The following DNAH6 variants were observed in gnomAD, a reference collection of about 807,000 sequenced individuals.
DNAH6 encodes axonemal beta dynein heavy chain 6.
A neutral mutation model predicts 491.4 loss-of-function variants in DNAH6; 340 were observed. The observed-to-expected ratio is 0.69, with a 90% CI of 0.63 to 0.76. The LOEUF is 0.76. Ranked by LOEUF, DNAH6 falls within the 30% of genes least tolerant of loss-of-function variation. The pLI is 0.00. For synonymous variants in DNAH6, 1,603 were observed against 1,686.1 expected (o/e 0.95, Z 1.21); for missense variants, 4,443 against 4,972.2 (o/e 0.89, Z 3.20).
intron 10 of DNAH6, among the ~76,000 whole-genome samples, chr2:84,553,388 T>C (rs547951307): frequency 1.5e-5 from 2 of 137,532 alleles, no homozygotes; most frequent in South Asian, 4.9e-4. Context: ...TTTCTTTCTT[T>C]CTTTCTTTCT....
Position 84,607,025 on chromosome 2 carries a change from G to C in DNAH6, c.3224G>C (p.Arg1075Pro), listed in dbSNP as rs1048751166. 4 of 1,551,322 alleles carry C rather than the reference G, an allele frequency of 2.6e-6. No individual in the cohort carries two copies. Among genetic ancestry groups the C allele is most frequent in the Non-Finnish European group, 3.5e-6 (4 of 1,146,772 alleles). The part of the protein sequence containing the change: ...TINVATLASS[R>P]YLGPLKTRVD... ...AATGTTGCAACTCTTGCCTCATCAC[G>C]TTACCTTGGTCCACTGAAAACTCGA... The change falls in exon 21 of 77, where the codon CGT becomes CCT. Residue 1075 changes from arginine (R) to proline (P), a missense_variant. Transcript: ENST00000389394.
intron 37 of DNAH6, 85 bp from the exon 38 acceptor site, chr2:84,669,197 TGACTGCC>T: frequency 1.0e-6 from 1 of 1,001,966 alleles, no homozygotes; most frequent in Admixed American, 2.3e-5. Context: ...TTAGGTTTTT[TGACTGCC>T]TTTTTTTCTA....
rs1234226538 is a variant in DNAH6, at chr2:84,536,912, TC to T, written c.663-7318del. Among the ~76,000 whole-genome samples, 3 of 152,032 alleles carry T rather than the reference TC, an allele frequency of 2.0e-5. No individual in the cohort carries two copies. The East Asian group carries it at 5.8e-4, about 29-fold the overall frequency. Reference sequence around the variant, plus strand: ...ATATCCCTAATTTGGGATAATTATGTCCCAAATTAAAAATTATATAATCTCA... The same window carrying T: ...ATATCCCTAATTTGGGATAATTATGTCCAAATTAAAAATTATATAATCTCA... On this transcript the variant is annotated intron_variant, in intron 4 of 76. Transcript: ENST00000389394.
At chr2:84,818,735 A>G (rs539936265) in intron 76 of DNAH6, among the ~76,000 whole-genome samples, 1 of 152,306 alleles carries the variant, frequency 6.6e-6, no homozygotes, top group Admixed American at 6.5e-5. Context: ...TTTAAGAGAC[A>G]CATCACTGTT....
the DNAH6 span, among the ~76,000 whole-genome samples, chr2:84,506,916 A>G: frequency 6.6e-6 from 1 of 151,922 alleles, no homozygotes; most frequent in Non-Finnish European, 1.5e-5. Flanking sequence ...GTTCTGTTCC[A>G]TTGGTCTATA....
Position 84,780,095 on chromosome 2 carries a change from G to C in DNAH6, c.10704-1398G>C, listed in dbSNP as rs113693515. Among the ~76,000 whole-genome samples the C allele has an allele frequency of 3.1e-4, 47 of 152,106 alleles. 1 individual carries two copies. The highest frequency in any genetic ancestry group is 1.0e-3 in the African/African-American group (43 of 41,498). On this transcript the variant is annotated intron_variant, in intron 64 of 76. Coordinates refer to ENST00000389394, the MANE Select transcript of DNAH6 (RefSeq NM_001370.2). ...TTTTTTTTCACATTGATCATGGAAA[G>C]TTTGATGACTATGTGTCTTGGGGAT...
the DNAH6 span, among the ~76,000 whole-genome samples, chr2:84,506,063 G>A: frequency 2.0e-5 from 3 of 152,078 alleles, no homozygotes; most frequent in African/African-American, 7.2e-5. Flanking sequence ...TAATCCTTTG[G>A]GTATATACCC....
intron 57 of DNAH6, among the ~76,000 whole-genome samples, chr2:84,714,995 A>T (rs1478058208): frequency 1.3e-5 from 2 of 151,950 alleles, no homozygotes; most frequent in African/African-American, 2.4e-5. Context: ...AGAATATATT[A>T]TAGTAATAAT....
Position 84,694,230 on chromosome 2 carries a change from T to G in DNAH6, c.7293-19T>G, listed in dbSNP as rs1393230886. The G allele has an allele frequency of 6.5e-7, 1 of 1,547,936 alleles. No homozygotes were observed. The highest frequency in any genetic ancestry group is 8.7e-7 in the Non-Finnish European group (1 of 1,143,530). ...ATGTCTGTGAACTTGAAATAAACCC[T>G]CTGCTCTGATGTTTGCAGGATTGCT... On this transcript the variant is annotated intron_variant, in intron 45 of 76. Transcript: ENST00000389394.
chr2:84,771,746 A>G (rs542671120), intron 64 of DNAH6, among the ~76,000 whole-genome samples: 4 of 152,276 alleles, frequency 2.6e-5, no homozygotes, highest in Admixed American at 6.5e-5. Flanking sequence ...TTCAAAAATG[A>G]AGAAAAATTT....
rs1688697526 is a variant in DNAH6 at position 84,634,539 on chromosome 2, A to C, written c.4551A>C (p.Ser1517=). 6.5e-7 allele frequency: 1 copy of C among 1,548,926 alleles called. No homozygotes were observed. Among genetic ancestry groups the C allele is most frequent in the East Asian group, 2.5e-5 (1 of 40,734 alleles). ...GCTTCTTCAGTGGCTTGGCACAGTCAGGGGCCTGGTGCTGCTTTGATGAAT... is the reference window on the plus strand; with the variant it reads ...GCTTCTTCAGTGGCTTGGCACAGTCCGGGGCCTGGTGCTGCTTTGATGAAT... ...MGRFFSGLAQ[S]GAWCCFDEFN... is the part of the protein sequence containing the mutation. Residue 1517 remains serine, a synonymous_variant, in exon 30 of 77, where the codon TCA becomes TCC. Transcript: ENST00000389394.
At chr2:84,717,212 C>A (rs1697623427) in intron 58 of DNAH6, among the ~76,000 whole-genome samples, 1 of 152,120 alleles carries the variant, frequency 6.6e-6, no homozygotes, top group African/African-American at 2.4e-5. Flanking sequence ...TGATTCTTAA[C>A]TTGATTAATT....
intron 65 of DNAH6, among the ~76,000 whole-genome samples, chr2:84,783,537 T>C (rs1676898124): frequency 6.6e-6 from 1 of 152,232 alleles, no homozygotes; most frequent in Admixed American, 6.5e-5. Context: ...TTAGTATTGC[T>C]CTAGAATTTG....
chr2:84,617,548 C>A (rs907017656), intron 23 of DNAH6, among the ~76,000 whole-genome samples: 2 of 151,912 alleles, frequency 1.3e-5, no homozygotes, highest in Non-Finnish European at 2.9e-5. Flanking sequence ...CCCAACCCTT[C>A]CACTACCCTT....
chr2:84,784,719 CAGAT>C lies in DNAH6; in HGVS notation c.10865_10868del (p.Asp3622ValfsTer11). 2 of 1,537,308 alleles carry C rather than the reference CAGAT, an allele frequency of 1.3e-6. No individual in the cohort carries two copies. Among genetic ancestry groups the C allele is most frequent in the Non-Finnish European group, 1.8e-6 (2 of 1,134,888 alleles). ...TTTGTTGTTTTATCTTTGTTTTAAGCAGATAGTGCTATCAAGGACACTTTTCGAC... is the reference window on the plus strand; with the variant it reads ...TTTGTTGTTTTATCTTTGTTTTAAGCAGTGCTATCAAGGACACTTTTCGAC... On this transcript the variant is annotated splice_acceptor_variant and coding_sequence_variant, in exon 66 of 77. Transcript: ENST00000389394. LOFTEE classifies it high-confidence loss of function.
At chr2:84,603,282 TA>T (rs1685438747) in intron 18 of DNAH6, among the ~76,000 whole-genome samples, 1 of 152,110 alleles carries the variant, frequency 6.6e-6, no homozygotes, top group African/African-American at 2.4e-5. Context: ...GCATTAAATC[TA>T]ATTAGGAATT....
chr2:84,590,157 G>A (rs933783166), intron 16 of DNAH6, among the ~76,000 whole-genome samples: 1 of 152,068 alleles, frequency 6.6e-6, no homozygotes, highest in South Asian at 2.1e-4. Flanking sequence ...AGACAGGAAG[G>A]TATGTAGTAA....
intron 30 of DNAH6, among the ~76,000 whole-genome samples, chr2:84,636,468 T>C (rs1573310402): frequency 6.6e-6 from 1 of 152,268 alleles, no homozygotes; most frequent in East Asian, 1.9e-4. Flanking sequence ...GGTTTCCAGG[T>C]TGATTGCAGA....
intron 37 of DNAH6, 51 bp downstream of exon 37, chr2:84,659,220 A>G (rs1691250262): frequency 9.5e-7 from 1 of 1,056,986 alleles, no homozygotes. Context: ...AATTATTTAA[A>G]TTTTAAGATT....
Sources: allele counts gnomAD v4.1 joint callset (sites outside exome capture counted in the v4.1 genomes callset), GRCh38; gene constraint gnomAD v4.1.1; transcripts MANE v1.5; gene names NCBI Gene and HGNC (gene_info 2026-07-23, HGNC 2026-07-21).